The following UBE2F variants were observed in gnomAD, a reference collection of about 807,000 sequenced individuals.
The protein encoded by UBE2F is ubiquitin conjugating enzyme E2 F (putative), also known as NEDD8-conjugating enzyme UBE2F.
UBE2F carries 5 observed loss-of-function variants against 29.6 expected under a neutral mutation model. That is an observed-to-expected ratio of 0.17 (90% CI 0.09 to 0.36). UBE2F has a LOEUF of 0.36. Among genes scored for constraint, UBE2F ranks in the 10% least tolerant of loss-of-function variants. The probability of loss-of-function intolerance (pLI) is 1.00; values close to 1 mark genes in which losing one functional copy is unlikely to be tolerated. For synonymous variants in UBE2F, 66 were observed against 81.8 expected (o/e 0.81, Z 1.04); for missense variants, 141 against 228.5 (o/e 0.62, Z 2.47).
intron 5 of UBE2F, among the ~76,000 whole-genome samples, chr2:238,019,820 C>T (rs369483577): frequency 1.3e-5 from 2 of 151,856 alleles, no homozygotes; most frequent in Admixed American, 6.6e-5. Flanking sequence ...CCACCACACC[C>T]GGCTAATTTT....
chr2:238,039,266 T>A (rs2064788431), intron 9 of UBE2F, among the ~76,000 whole-genome samples: 3 of 151,936 alleles, frequency 2.0e-5, no homozygotes, highest in South Asian at 2.1e-4. Context: ...AATTAAAATT[T>A]AAAAAAATAG....
At position 238,025,331 on chromosome 2, in the gene UBE2F, C is replaced by T. The variant is rs2064399123; in HGVS notation, c.283-11C>T. 4 of 1,613,360 alleles carry T rather than the reference C, an allele frequency of 2.5e-6. No homozygotes were observed. The highest frequency in any genetic ancestry group is 3.4e-6 in the Non-Finnish European group (4 of 1,179,428). On this transcript the variant is annotated splice_polypyrimidine_tract_variant and intron_variant, in intron 5 of 9. Transcript: ENST00000272930. ...GTCGGCGTGATCTCTCTCATTGTCT[C>T]TGTGTTGCAGCCTCCCAAAGTGAAA...
At chr2:237,998,299 G>C (rs1404971722) in intron 4 of UBE2F, among the ~76,000 whole-genome samples, 1 of 151,930 alleles carries the variant, frequency 6.6e-6, no homozygotes, top group Non-Finnish European at 1.5e-5. Flanking sequence ...CTGCCTCTTT[G>C]CAGCCAGTTC....
At chr2:237,999,464 T>C (rs1014821540) in intron 4 of UBE2F, among the ~76,000 whole-genome samples, 1 of 152,250 alleles carries the variant, frequency 6.6e-6, no homozygotes, top group Non-Finnish European at 1.5e-5. Flanking sequence ...CTGAAACTTA[T>C]AAATATATGC....
intron 2 of UBE2F, among the ~76,000 whole-genome samples, chr2:237,981,029 A>G (rs1453433990): frequency 6.6e-6 from 1 of 152,222 alleles, no homozygotes; most frequent in Non-Finnish European, 1.5e-5. Context: ...AGTCTAATCT[A>G]TCAGAAGGAA....
chr2:238,040,696 C>T lies in UBE2F; in HGVS notation c.508-592C>T, dbSNP rs1450810158. Among the ~76,000 whole-genome samples, 1 of 152,102 alleles carries T rather than the reference C, an allele frequency of 6.6e-6. No homozygotes were observed. Among genetic ancestry groups the T allele is most frequent in the African/African-American group, 2.4e-5 (1 of 41,394 alleles). On this transcript the variant is annotated intron_variant, in intron 9 of 9. Transcript: ENST00000272930. The surrounding 1 kb of genome is among the most constrained non-coding windows in gnomAD (Gnocchi z 4.4). Reference sequence around the variant, plus strand: ...CCACCCATACTGGCCTGGGGTGATTCCTAGGTCCACACCGCCTTTGGTCAC... The same window carrying T: ...CCACCCATACTGGCCTGGGGTGATTTCTAGGTCCACACCGCCTTTGGTCAC...
intron 4 of UBE2F, among the ~76,000 whole-genome samples, chr2:238,013,848 C>T (rs1050045384): frequency 3.3e-5 from 5 of 152,134 alleles, no homozygotes; most frequent in African/African-American, 7.2e-5. Context: ...CAGGAACTTC[C>T]CTCAGTTGCA....
In UBE2F at chr2:238,014,057, G is replaced by A. The variant is rs2064099404; in HGVS notation, c.215-2509G>A. ...GAAGTGAGCAGGCCTTCCTTGAACC[G>A]TCTCCGCCTTGGGCCAGGTACTCCC... On this transcript the variant is annotated intron_variant, in intron 4 of 9. Transcript: ENST00000272930. Among the ~76,000 whole-genome samples the A allele has an allele frequency of 2.0e-5, 3 of 152,146 alleles. No homozygotes were observed. The South Asian group carries it at 6.2e-4, about 31-fold the overall frequency.
At chr2:238,030,446 T>G in intron 6 of UBE2F, 110 bp from the exon 7 acceptor site, 5 of 718,338 alleles carry the variant, frequency 7.0e-6, no homozygotes, top group Middle Eastern at 2.9e-4. Context: ...AAAAGATGGG[T>G]TTAATAAAAA....
chr2:237,998,483 T>C (rs2063730182), intron 4 of UBE2F, among the ~76,000 whole-genome samples: 1 of 152,166 alleles, frequency 6.6e-6, no homozygotes, highest in South Asian at 2.1e-4. Flanking sequence ...GAATCAGTAG[T>C]TTATTCCCTT....
chr2:238,013,186 C>T (rs995060108), intron 4 of UBE2F, among the ~76,000 whole-genome samples: 2 of 152,052 alleles, frequency 1.3e-5, no homozygotes, highest in African/African-American at 4.8e-5. Flanking sequence ...GGGAGGATCA[C>T]CTGAGCCCTG....
chr2:237,979,013 A>G (rs925396205), intron 2 of UBE2F, among the ~76,000 whole-genome samples: 1 of 152,186 alleles, frequency 6.6e-6, no homozygotes, highest in African/African-American at 2.4e-5. Flanking sequence ...TTCACCCAAC[A>G]TGCATTGTAG....
chr2:238,016,486 C>G, intron 4 of UBE2F, 80 bp from the exon 5 acceptor site: 1 of 1,254,958 alleles, frequency 8.0e-7, no homozygotes, highest in East Asian at 2.3e-5. Flanking sequence ...TTTGCCATAT[C>G]CTAACAGAGT....
chr2:238,031,690 GTTTTA>G (rs1315480990), intron 7 of UBE2F, among the ~76,000 whole-genome samples: 4 of 152,224 alleles, frequency 2.6e-5, no homozygotes, highest in Non-Finnish European at 4.4e-5. Flanking sequence ...CTGGCTTTCA[GTTTTA>G]TTTAATGAAA....
chr2:237,988,068 T>C (rs1306607600), intron 3 of UBE2F, 76 bp downstream of exon 3: 3 of 823,922 alleles, frequency 3.6e-6, no homozygotes, highest in Non-Finnish European at 5.6e-6. Flanking sequence ...TTAATAACCT[T>C]GTATAGTAAA....
At chr2:238,003,871 T>C (rs977414315) in intron 4 of UBE2F, among the ~76,000 whole-genome samples, 1 of 152,202 alleles carries the variant, frequency 6.6e-6, no homozygotes, top group African/African-American at 2.4e-5. Context: ...CTTGAGGAAG[T>C]TTCCATCACC....
In UBE2F at chr2:238,038,673, C is replaced by T. The variant is rs556257244; in HGVS notation, c.508-2615C>T. On this transcript the variant is annotated intron_variant, in intron 9 of 9. Transcript: ENST00000272930. ...ATAAAATAGGACTTTGCAACTGGTA[C>T]ACTTTTAGCCCCAGTAAAATGGACC... 2.2e-3 allele frequency among the ~76,000 whole-genome samples: 338 copies of T among 152,332 alleles called. 4 individuals are homozygous for T. The highest frequency in any genetic ancestry group is 7.6e-3 in the African/African-American group (317 of 41,574).
chr2:238,025,871 A>C (rs1409022361), intron 6 of UBE2F, among the ~76,000 whole-genome samples: 1 of 152,200 alleles, frequency 6.6e-6, no homozygotes, highest in Non-Finnish European at 1.5e-5. Flanking sequence ...AATGGTCCTG[A>C]TAGATGTCAG....
Position 237,967,389 on chromosome 2 carries a change from C to A in UBE2F, c.-17+257C>A, listed in dbSNP as rs2063077356. On this transcript the variant is annotated intron_variant, in intron 1 of 9. Transcript: ENST00000272930. The surrounding 1 kb of genome is among the most constrained non-coding windows in gnomAD (Gnocchi z 6.3). Reference sequence around the variant, plus strand: ...CGGCCGGGGCGCTGGCCTCGCCCGGCAGTGAGTGACCGCGGCGGCGGCGGC... The same window carrying A: ...CGGCCGGGGCGCTGGCCTCGCCCGGAAGTGAGTGACCGCGGCGGCGGCGGC... Among the ~76,000 whole-genome samples the A allele has an allele frequency of 6.7e-6, 1 of 150,010 alleles. No individual in the cohort carries two copies. Among genetic ancestry groups the A allele is most frequent in the Admixed American group, 6.6e-5 (1 of 15,040 alleles).
Sources: allele counts gnomAD v4.1 joint callset (sites outside exome capture counted in the v4.1 genomes callset), GRCh38; gene constraint gnomAD v4.1.1; non-coding constraint Gnocchi (gnomAD v3.1); transcripts MANE v1.5; gene names NCBI Gene and HGNC (gene_info 2026-07-23, HGNC 2026-07-21).